Variants in TNKS observed in about 807,000 individuals in gnomAD.
TNKS encodes tankyrase, also known as poly [ADP-ribose] polymerase tankyrase-1.
Under a neutral mutation model 135.8 loss-of-function variants are expected in TNKS, and 72 were observed. That is an observed-to-expected ratio of 0.53 (90% CI 0.44 to 0.64). TNKS has a LOEUF of 0.64. TNKS is among the 30% of genes least tolerant of loss of function. TNKS has a pLI of 0.00. For missense variants in TNKS, 1,769 were observed against 1,674.0 expected, an observed-to-expected ratio of 1.06 and a Z score of -0.99; for synonymous variants, 849 against 649.3, an observed-to-expected ratio of 1.31 and a Z score of -4.68.
At chr8:9,634,180 G>A (rs1343590364) in intron 3 of TNKS, among the ~76,000 whole-genome samples, 1 of 151,172 alleles carries the variant, frequency 6.6e-6, no homozygotes, top group Non-Finnish European at 1.5e-5. Flanking sequence ...CTATAAGAAC[G>A]TGAGAACAGA....
intron 3 of TNKS, among the ~76,000 whole-genome samples, chr8:9,657,730 G>A (rs1328496027): frequency 1.7e-4 from 21 of 121,668 alleles, no homozygotes; most frequent in Admixed American, 1.6e-3. Flanking sequence ...GGGCGGCCGG[G>A]CAGAGGCGCC....
intron 2 of TNKS, among the ~76,000 whole-genome samples, chr8:9,581,562 T>C (rs981451332): frequency 5.9e-5 from 9 of 152,230 alleles, no homozygotes; most frequent in Admixed American, 5.9e-4. Flanking sequence ...CTTTTGTAAA[T>C]GATAACTATT....
intron 11 of TNKS, among the ~76,000 whole-genome samples, chr8:9,716,523 T>C (rs2128811125): frequency 6.6e-6 from 1 of 152,254 alleles, no homozygotes; most frequent in African/African-American, 2.4e-5. Flanking sequence ...TGCAAATGTG[T>C]TTATTACTTC....
chr8:9,695,506 T>A (rs1332428980), intron 5 of TNKS, among the ~76,000 whole-genome samples: 1 of 152,124 alleles, frequency 6.6e-6, no homozygotes, highest in Non-Finnish European at 1.5e-5. Flanking sequence ...GGAGATTGCT[T>A]ATGGCCTTCT....
chr8:9,627,579 G>GCTTC (rs1249955699), intron 3 of TNKS, among the ~76,000 whole-genome samples: 1 of 151,794 alleles, frequency 6.6e-6, no homozygotes, highest in Admixed American at 6.6e-5. Flanking sequence ...TTGCTTGCTT[G>GCTTC]CTTGCTTGCT....
chr8:9,717,276 T>C (rs931008097), intron 11 of TNKS, among the ~76,000 whole-genome samples: 2 of 151,526 alleles, frequency 1.3e-5, no homozygotes, highest in Non-Finnish European at 2.9e-5. Flanking sequence ...CAGTATTGTA[T>C]TGAAAAATTG....
At chr8:9,615,790 T>G (rs1799623969) in intron 3 of TNKS, 113 bp downstream of exon 3, 2 of 705,478 alleles carry the variant, frequency 2.8e-6, no homozygotes, top group South Asian at 3.7e-5. Flanking sequence ...AGCAAATATA[T>G]CTGCCATTAT....
intron 3 of TNKS, among the ~76,000 whole-genome samples, chr8:9,618,424 A>G (rs1475124895): frequency 6.6e-6 from 1 of 152,226 alleles, no homozygotes; most frequent in Non-Finnish European, 1.5e-5. Flanking sequence ...AGACTTACTC[A>G]GAGAGACTCA....
chr8:9,678,261 T>G lies in TNKS; in HGVS notation c.995-1690T>G, dbSNP rs529810049. On this transcript the variant is annotated intron_variant, in intron 3 of 26. Coordinates refer to ENST00000310430, the MANE Select transcript of TNKS (RefSeq NM_003747.3). ...TCTGTAGACATTTGGGGGCATGGGT[T>G]ATGCCATTTTCCTCACAAGGAGCTT... 4.0e-5 allele frequency among the ~76,000 whole-genome samples: 6 copies of G among 150,966 alleles called. No homozygotes were observed. In the East Asian group the frequency reaches 1.2e-3, roughly 30 times the overall value.
intron 26 of TNKS, among the ~76,000 whole-genome samples, chr8:9,772,657 T>C (rs1481455916): frequency 1.3e-5 from 2 of 152,096 alleles, no homozygotes; most frequent in East Asian, 1.9e-4. Flanking sequence ...AATAAAAGGA[T>C]TGTATCAATG....
chr8:9,595,818 A>C (rs1387365240), intron 2 of TNKS, among the ~76,000 whole-genome samples: 1 of 152,112 alleles, frequency 6.6e-6, no homozygotes, highest in East Asian at 1.9e-4. Context: ...TGTTCAAAAC[A>C]ATCTATGGGT....
chr8:9,567,414 T>C (rs1285245146), intron 1 of TNKS, among the ~76,000 whole-genome samples: 1 of 152,130 alleles, frequency 6.6e-6, no homozygotes, highest in Non-Finnish European at 1.5e-5. Flanking sequence ...ACTGCTTTCT[T>C]ATTTATTTAT....
At chr8:9,672,814 G>C (rs71516527) in intron 3 of TNKS, among the ~76,000 whole-genome samples, 2 of 151,256 alleles carry the variant, frequency 1.3e-5, no homozygotes, top group African/African-American at 2.4e-5. Flanking sequence ...TGAGCTCCCA[G>C]ACTGAACACA....
intron 22 of TNKS, among the ~76,000 whole-genome samples, chr8:9,764,100 G>A (rs775287166): frequency 1.3e-5 from 2 of 152,130 alleles, no homozygotes; most frequent in Non-Finnish European, 2.9e-5. Flanking sequence ...CTCTTCACAA[G>A]TGGAGCAGTA....
rs1452907548 is a variant in TNKS, at chr8:9,556,201, A to G, written c.262A>G (p.Ser88Gly). ...ATCCCCGGACCCGGTTGACGGTACC[A>G]GCTGTTGCAGTACCACCAGCACAAT... is the stretch of plus-strand genomic sequence containing the variant. Reference protein sequence around the residue: ...PRSPDPVDGTSCCSTTSTICT... With the variant: ...PRSPDPVDGTGCCSTTSTICT... Residue 88 changes from serine to glycine, a missense_variant, in exon 1 of 27, where the codon AGC (serine) becomes GGC (glycine). Transcript: ENST00000310430. 1.2e-6 allele frequency: 2 copies of G among 1,614,110 alleles called. No individual in the cohort carries two copies. Among genetic ancestry groups the G allele is most frequent in the Non-Finnish European group, 1.7e-6 (2 of 1,180,020 alleles).
chr8:9,711,961 A>G (rs1804355789), intron 11 of TNKS, among the ~76,000 whole-genome samples: 1 of 152,340 alleles, frequency 6.6e-6, no homozygotes, highest in South Asian at 2.1e-4. Flanking sequence ...TCTATTCAAA[A>G]CATTGTAATG....
At chr8:9,583,200 T>A (rs1563094493) in intron 2 of TNKS, among the ~76,000 whole-genome samples, 1 of 150,846 alleles carries the variant, frequency 6.6e-6, no homozygotes, top group Non-Finnish European at 1.5e-5. Context: ...TTTAGAAATC[T>A]TGAACCCATG....
intron 3 of TNKS, among the ~76,000 whole-genome samples, chr8:9,631,454 T>C (rs1479777205): frequency 6.6e-6 from 1 of 152,252 alleles, no homozygotes; most frequent in Non-Finnish European, 1.5e-5. Context: ...GTAATTATTC[T>C]ATAAAATAAG....
In TNKS at chr8:9,556,543, G is replaced by T. The variant is rs747113539; in HGVS notation, c.604G>T (p.Val202Leu). Residue 202 changes from valine (V) to leucine (L), a missense_variant, in exon 1 of 27, where the codon GTG (valine) becomes TTG (leucine). Val to Leu is a conservative substitution (Grantham distance 32). Around this residue, in one of 5 missense-constraint regions of TNKS, gnomAD observed 450 missense variants for 304.9 expected, o/e 1.48. Transcript: ENST00000310430. ...GGACGTGTCCCGGGTAAAGAGGCTG[G>T]TGGACGCGGCAAACGTAAATGCAAA... ...NGDVSRVKRL[V>L]DAANVNAKDM... 1.2e-5 allele frequency: 20 copies of T among 1,614,070 alleles called. No individual in the cohort carries two copies. The highest frequency in any genetic ancestry group is 1.7e-5 in the Non-Finnish European group (20 of 1,180,054).
Sources: gnomAD v4.1 joint callset for allele counts (sites outside exome capture counted in the v4.1 genomes callset) on GRCh38, gnomAD v4.1.1 for gene constraint, gnomAD v4.1.1 regional missense constraint, MANE v1.5 for transcripts, NCBI Gene and HGNC (gene_info 2026-07-23, HGNC 2026-07-21) for gene names.